Variants in NCOA1 observed in about 807,000 individuals in gnomAD.
The protein encoded by NCOA1 is Hin-2 protein.
In NCOA1, 35 loss-of-function variants were observed where a neutral mutation model predicts 150.9. The ratio of observed to expected loss-of-function variants is 0.23; its 90% CI spans 0.18 to 0.31. NCOA1 has a LOEUF of 0.31. Ranked by LOEUF, NCOA1 falls within the 10% of genes least tolerant of loss-of-function variation. The pLI, the probability that NCOA1 is intolerant of heterozygous loss-of-function variation, is 1.00. For synonymous variants in NCOA1, 590 were observed against 630.0 expected (o/e 0.94, Z 0.95); for missense variants, 1,491 against 1,749.3 (o/e 0.85, Z 2.63).
intron 9 of NCOA1, among the ~76,000 whole-genome samples, chr2:24,692,262 A>G (rs1313481015): frequency 6.6e-6 from 1 of 152,234 alleles, no homozygotes; most frequent in Non-Finnish European, 1.5e-5. Context: ...AAGGTAGTAG[A>G]CAAGAAGTCA....
intron 1 of NCOA1, among the ~76,000 whole-genome samples, chr2:24,536,045 T>C (rs1157451610): frequency 6.6e-6 from 1 of 152,198 alleles, no homozygotes; most frequent in East Asian, 1.9e-4. Flanking sequence ...TAAAGAGCAT[T>C]TTCCAACTTG....
chr2:24,647,626 A>T (rs1342027477), intron 4 of NCOA1, among the ~76,000 whole-genome samples: 1 of 151,886 alleles, frequency 6.6e-6, no homozygotes, highest in Non-Finnish European at 1.5e-5. Flanking sequence ...TGTGAGAAAT[A>T]AGTGAATTAA....
At chr2:24,744,858 T>C (rs1338207182) in intron 19 of NCOA1, among the ~76,000 whole-genome samples, 1 of 152,226 alleles carries the variant, frequency 6.6e-6, no homozygotes, top group Non-Finnish European at 1.5e-5. Flanking sequence ...AGAAACTTTA[T>C]GGCCTACAAA....
rs2148595143 is a variant in NCOA1, at chr2:24,707,192, T to C, written c.1722T>C (p.Asn574=). Residue 574 remains asparagine, a synonymous_variant, in exon 13 of 23, where the codon AAT becomes AAC. Coordinates refer to ENST00000348332, the MANE Select transcript of NCOA1 (RefSeq NM_003743.5). ...MSSQNSPSRL[N]IQPAKAESKD... ...CACAGAATTCACCTAGCAGATTAAA[T>C]ATACAACCAGCAAAAGCTGAGTCCA... 4 of 1,614,204 alleles carry C rather than the reference T, an allele frequency of 2.5e-6. No individual in the cohort carries two copies. Among genetic ancestry groups the C allele is most frequent in the Non-Finnish European group, 3.4e-6 (4 of 1,180,038 alleles).
chr2:24,723,530 A>G (rs1674460913), intron 14 of NCOA1, among the ~76,000 whole-genome samples: 1 of 152,194 alleles, frequency 6.6e-6, no homozygotes, highest in African/African-American at 2.4e-5. Context: ...ACCCTAACTG[A>G]TAATGTTTCC....
intron 8 of NCOA1, among the ~76,000 whole-genome samples, chr2:24,683,630 T>G (rs1331855128): frequency 6.6e-6 from 1 of 152,218 alleles, no homozygotes; most frequent in East Asian, 1.9e-4. Flanking sequence ...GTCTGTTCTA[T>G]TCACTGAACC....
At position 24,758,141 on chromosome 2, in the gene NCOA1, T is replaced by C. The variant is rs1306706054; in HGVS notation, c.4050T>C (p.Thr1350=). 1.9e-6 allele frequency: 3 copies of C among 1,612,990 alleles called. No homozygotes were observed. The highest frequency in any genetic ancestry group is 2.5e-6 in the Non-Finnish European group (3 of 1,179,266). Residue 1350 remains threonine (T), a synonymous_variant, in exon 21 of 23, where the codon ACT becomes ACC. Coordinates refer to ENST00000348332, the MANE Select transcript of NCOA1 (RefSeq NM_003743.5). ...CTTTGCAGATGCCAGGAATGAACAC[T>C]GTGTGCCCTGAGCAGGTAAGTGGCA... ...MSSLQMPGMN[T]VCPEQINDPA...
At chr2:24,498,306 A>G (rs942591718) in intron 1 of NCOA1, among the ~76,000 whole-genome samples, 3 of 152,228 alleles carry the variant, frequency 2.0e-5, no homozygotes, top group Non-Finnish European at 4.4e-5. Context: ...GTGCTGTAAA[A>G]AGATAGTGGT....
intron 1 of NCOA1, among the ~76,000 whole-genome samples, chr2:24,536,023 TG>T (rs1364665391): frequency 6.6e-6 from 1 of 152,234 alleles, no homozygotes; most frequent in Admixed American, 6.5e-5. Flanking sequence ...GACATTCTCC[TG>T]GATAATATTC....
At chr2:24,590,613 G>C (rs1262155802) in intron 3 of NCOA1, among the ~76,000 whole-genome samples, 4 of 151,938 alleles carry the variant, frequency 2.6e-5, no homozygotes, top group African/African-American at 4.8e-5. Flanking sequence ...GTAAAATCCA[G>C]GTTGCAACTC....
rs1669487998 is a variant in NCOA1, at chr2:24,627,569, C to G, written c.-174-16397C>G. Reference sequence around the variant, plus strand: ...AAATCTATGCCAGTTTTAACTATCACCTAAAGAGATTTAATATTTACTTTT... The same window carrying G: ...AAATCTATGCCAGTTTTAACTATCAGCTAAAGAGATTTAATATTTACTTTT... On this transcript the variant is annotated intron_variant, in intron 3 of 22. Transcript: ENST00000348332. Among the ~76,000 whole-genome samples the G allele has an allele frequency of 2.0e-5, 3 of 148,964 alleles. No individual in the cohort carries two copies. The South Asian group carries it at 6.3e-4, about 31-fold the overall frequency.
intron 20 of NCOA1, 81 bp downstream of exon 20, chr2:24,752,237 CCT>C: frequency 7.6e-6 from 11 of 1,447,378 alleles, no homozygotes; most frequent in Non-Finnish European, 1.0e-5. Context: ...AGTGGTTGAA[CCT>C]CAGGAACATT....
chr2:24,678,986 T>C (rs1672041888), intron 7 of NCOA1, among the ~76,000 whole-genome samples: 1 of 152,232 alleles, frequency 6.6e-6, no homozygotes, highest in South Asian at 2.1e-4. Flanking sequence ...ATTGCCTAGA[T>C]ATTCTTCTAG....
intron 3 of NCOA1, among the ~76,000 whole-genome samples, chr2:24,599,997 C>T (rs560112153): frequency 1.5e-3 from 225 of 152,288 alleles, no homozygotes; most frequent in African/African-American, 5.3e-3. Context: ...TCCCAAACTG[C>T]TGGGATTGCA....
chr2:24,668,794 T>TC (rs1671552480), intron 6 of NCOA1, among the ~76,000 whole-genome samples: 1 of 117,566 alleles, frequency 8.5e-6, no homozygotes. Flanking sequence ...AGGGAACATT[T>TC]CCATAGGGAA....
At chr2:24,684,929 T>C (rs1411785198) in intron 8 of NCOA1, among the ~76,000 whole-genome samples, 1 of 152,104 alleles carries the variant, frequency 6.6e-6, no homozygotes, top group East Asian at 1.9e-4. Flanking sequence ...ATAGTACCTA[T>C]ATTTAAACCT....
chr2:24,766,711 GGGCT>G (rs1191598279), intron 22 of NCOA1, among the ~76,000 whole-genome samples: 1 of 152,072 alleles, frequency 6.6e-6, no homozygotes, highest in Admixed American at 6.5e-5. Context: ...AGCGGGAAGA[GGGCT>G]GGCAGGAGGA....
At chr2:24,611,871 A>G (rs373729128) in intron 3 of NCOA1, among the ~76,000 whole-genome samples, 12 of 151,782 alleles carry the variant, frequency 7.9e-5, no homozygotes, top group African/African-American at 1.5e-4. Flanking sequence ...TTTTAATCCA[A>G]TTCATCTCTG....
intron 12 of NCOA1, 51 bp from the exon 13 acceptor site, chr2:24,706,517 T>G: frequency 6.6e-7 from 1 of 1,509,458 alleles, no homozygotes; most frequent in Non-Finnish European, 8.8e-7. Flanking sequence ...TAAAAATATT[T>G]TAATAGAAAC....
Sources: allele counts gnomAD v4.1 joint callset (sites outside exome capture counted in the v4.1 genomes callset), GRCh38; gene constraint gnomAD v4.1.1; transcripts MANE v1.5; gene names NCBI Gene and HGNC (gene_info 2026-07-23, HGNC 2026-07-21).